CELSR1: variants seen among roughly 807,000 people sequenced by gnomAD.
CELSR1 encodes the protein adhesion G protein-coupled receptor C1.
A neutral mutation model predicts 249.1 loss-of-function variants in CELSR1; 110 were observed. That is an observed-to-expected ratio of 0.44 (90% CI 0.38 to 0.52). The LOEUF (loss-of-function observed/expected upper bound fraction) is 0.52. CELSR1 is among the 20% of genes least tolerant of loss of function. CELSR1 has a pLI of 0.00. For synonymous variants in CELSR1, 2,113 were observed against 1,900.0 expected (o/e 1.11, Z -2.92); for missense variants, 4,109 against 4,296.4 (o/e 0.96, Z 1.22).
Position 46,363,662 on chromosome 22 carries a change from C to T in CELSR1, c.9035+334G>A. ...ATTCCGGGACCCTCAGTATCCTCAA[C>T]TGCAAGGTGGGTGGCAGTGGTCCCA... On this transcript the variant is annotated intron_variant, in intron 34 of 34. Transcript: ENST00000674500. The surrounding 1 kb of genome is among the most constrained non-coding windows in gnomAD (Gnocchi z 4.3). 7.6e-6 allele frequency: 3 copies of T among 394,142 alleles called. No homozygotes were observed. The highest frequency in any genetic ancestry group is 4.7e-5 in the East Asian group (1 of 21,454). 24.4% of individuals were successfully genotyped at this position (394,142 alleles called of 1,614,324 possible).
chr22:46,400,998 T>C (rs1397538293), intron 9 of CELSR1, among the ~76,000 whole-genome samples: 1 of 152,004 alleles, frequency 6.6e-6, no homozygotes, highest in Non-Finnish European at 1.5e-5. Context: ...TGCTGTTGCC[T>C]TTAACACTGA....
intron 5 of CELSR1, among the ~76,000 whole-genome samples, chr22:46,415,602 A>T (rs115600386): frequency 0.017 from 2,558 of 151,850 alleles, 73 homozygotes; most frequent in Middle Eastern, 0.061. Flanking sequence ...TGCTATGTGA[A>T]CTTCACCTCA....
At chr22:46,463,037 A>G in intron 2 of CELSR1, 1 of 350,894 alleles carries the variant, frequency 2.8e-6, no homozygotes, top group Non-Finnish European at 5.7e-6. Flanking sequence ...AATCTGGAAT[A>G]AAGTACTTTC....
chr22:46,415,626 TAAAA>T (rs113662013), intron 5 of CELSR1, among the ~76,000 whole-genome samples: 62 of 141,356 alleles, frequency 4.4e-4, no homozygotes, highest in African/African-American at 1.6e-3. Context: ...AGGAAAAAAT[TAAAA>T]AAAAAAAAAG....
chr22:46,481,865 C>T lies in CELSR1; in HGVS notation c.3545-17520G>A, dbSNP rs142137098. The T allele has an allele frequency of 1.7e-3, 328 of 193,614 alleles. 3 individuals are homozygous for T. The highest frequency in any genetic ancestry group is 5.1e-3 in the African/African-American group (214 of 42,098). The allele number at this position is 193,614 out of a possible 1,614,324, so 12.0% of individuals were successfully genotyped here. A position where few individuals can be genotyped will look rare whatever the true frequency, so the allele number is the denominator to read the frequency against. On this transcript the variant is annotated intron_variant, in intron 1 of 34. Coordinates refer to ENST00000674500, the MANE Select transcript of CELSR1 (RefSeq NM_001378328.1). The stretch of plus-strand genomic sequence containing the variant: ...TCAGCTCACTGCAACCTCTGCCTCC[C>T]GGGTTCAAGAGATTCTCCTGCCTCA...
chr22:46,482,927 G>A (rs1209962180), intron 1 of CELSR1, among the ~76,000 whole-genome samples: 1 of 152,102 alleles, frequency 6.6e-6, no homozygotes, highest in Non-Finnish European at 1.5e-5. Context: ...AGAAGATGGA[G>A]CCCAGAAACA....
At chr22:46,492,685 C>T (rs5768831) in intron 1 of CELSR1, among the ~76,000 whole-genome samples, 32,509 of 151,880 alleles carry the variant, frequency 0.21, 3,503 homozygotes, top group Middle Eastern at 0.24. Context: ...ATTAGCTGGG[C>T]GTGTAAGCAA....
intron 1 of CELSR1, among the ~76,000 whole-genome samples, chr22:46,507,829 C>T (rs936309873): frequency 6.6e-6 from 1 of 151,282 alleles, no homozygotes; most frequent in Non-Finnish European, 1.5e-5. Flanking sequence ...GAACCTAACA[C>T]AGCCCAGAGT....
In CELSR1 at chr22:46,537,065, G is replaced by A; in HGVS notation, c.106C>T (p.Pro36Ser). 9.4e-7 allele frequency: 1 copy of A among 1,068,688 alleles called. No individual in the cohort carries two copies. The highest frequency in any genetic ancestry group is 1.1e-6 in the Non-Finnish European group (1 of 885,850). The allele number at this position is 1,068,688 out of a possible 1,614,324, so 66.2% of individuals were successfully genotyped here. The change falls in exon 1 of 35, where the codon CCC becomes TCC. Residue 36 changes from proline (P) to serine (S), a missense_variant. Transcript: ENST00000674500. The surrounding 1 kb of genome is among the most constrained non-coding windows in gnomAD (Gnocchi z 5.8). ...AGGGCGAAGGCGCGGGTCCCGCCGG[G>A]TACGCGCGGCTCCCAGGCGGCCGCT... ...LRAAAWEPRV[P>S]GGTRAFALRP...
intron 2 of CELSR1, among the ~76,000 whole-genome samples, chr22:46,456,240 C>T (rs567835421): frequency 8.1e-4 from 123 of 152,372 alleles, no homozygotes; most frequent in Admixed American, 2.5e-3. Flanking sequence ...AGACGTCACT[C>T]CGCAGGGTGA....
Position 46,384,616 on chromosome 22 carries a change from A to G in CELSR1, c.6810T>C (p.His2270=), listed in dbSNP as rs765936714. 6.2e-7 allele frequency: 1 copy of G among 1,613,708 alleles called. No individual in the cohort carries two copies. The highest frequency in any genetic ancestry group is 8.5e-7 in the Non-Finnish European group (1 of 1,179,916). The part of the protein sequence containing the change: ...GARVPRFDTI[H]EEFPRELESS... ...ACTCCAGCTCCCTGGGGAACTCTTC[A>G]TGGATGGTGTCGAATCGCGGGACCC... Residue 2270 remains histidine (H), a synonymous_variant, in exon 20 of 35, where the codon CAT becomes CAC. Coordinates refer to ENST00000674500, the MANE Select transcript of CELSR1 (RefSeq NM_001378328.1).
chr22:46,455,817 A>G (rs3788693), intron 2 of CELSR1, among the ~76,000 whole-genome samples: 11,108 of 152,278 alleles, frequency 0.073, 526 homozygotes, highest in East Asian at 0.12. Flanking sequence ...GGAGAACAGG[A>G]GATATCTGGC....
rs757948555 is a variant in CELSR1 at position 46,398,684 on chromosome 22, C to A, written c.5413-47G>T. ...GGATCTGGGGGCTGCATCCACCATC[C>A]TAGAAACGTCTCTCAGATGGGAAGG... On this transcript the variant is annotated intron_variant, in intron 10 of 34. Coordinates refer to ENST00000674500, the MANE Select transcript of CELSR1 (RefSeq NM_001378328.1). The surrounding 1 kb of genome is among the most constrained non-coding windows in gnomAD (Gnocchi z 7.2). 1 of 1,434,620 alleles carries A rather than the reference C, an allele frequency of 7.0e-7. No individual in the cohort carries two copies. Among genetic ancestry groups the A allele is most frequent in the Admixed American group, 2.0e-5 (1 of 50,560 alleles). 88.9% of individuals were successfully genotyped at this position (1,434,620 alleles called of 1,614,324 possible). A position where few individuals can be genotyped will look rare whatever the true frequency, so the allele number is the denominator to read the frequency against.
Position 46,436,315 on chromosome 22 carries a change from A to G in CELSR1, c.4407-26T>C. The G allele has an allele frequency of 6.3e-7, 1 of 1,590,202 alleles. No homozygotes were observed. Among genetic ancestry groups the G allele is most frequent in the Non-Finnish European group, 8.6e-7 (1 of 1,158,844 alleles). On this transcript the variant is annotated intron_variant, in intron 3 of 34. Transcript: ENST00000674500. This position sits in a 1 kb window ranked among gnomAD's most constrained non-coding sequence, Gnocchi z 5.9. ...CTGTGGGGCCAAGCAGAGGCACATC[A>G]CAGGATGAAGACCCCAGGGTCCAAA...
At chr22:46,530,191 G>C (rs2080777812) in intron 1 of CELSR1, 1 of 152,024 alleles carries the variant, frequency 6.6e-6, no homozygotes, top group African/African-American at 2.4e-5. Context: ...GTGGTGCAAT[G>C]AGCTGAGATC....
intron 5 of CELSR1, among the ~76,000 whole-genome samples, chr22:46,414,564 T>C (rs1324963186): frequency 1.3e-5 from 2 of 151,696 alleles, no homozygotes; most frequent in African/African-American, 2.4e-5. Context: ...TCGGCGAGTG[T>C]GGGTTAAACA....
Position 46,391,113 on chromosome 22 carries a change from C to T in CELSR1, c.6250+73G>A. 8.2e-7 allele frequency: 1 copy of T among 1,213,770 alleles called. No homozygotes were observed. Among genetic ancestry groups the T allele is most frequent in the East Asian group, 2.4e-5 (1 of 42,364 alleles). 75.2% of individuals were successfully genotyped at this position (1,213,770 alleles called of 1,614,324 possible). ...TTTCAACACGAAACATTCCATGAGT[C>T]CCCACATCTCGACTGGCTCCTCCCA... On this transcript the variant is annotated intron_variant, in intron 16 of 34. Transcript: ENST00000674500. This position sits in a 1 kb window ranked among gnomAD's most constrained non-coding sequence, Gnocchi z 4.3.
chr22:46,407,547 G>A lies in CELSR1; in HGVS notation c.5226+1449C>T, dbSNP rs549562210. Among the ~76,000 whole-genome samples the A allele has an allele frequency of 2.6e-5, 4 of 152,186 alleles. No individual in the cohort carries two copies. Among genetic ancestry groups the A allele is most frequent in the East Asian group, 1.9e-4 (1 of 5,170 alleles). ...CAATGGAGGCTGAGGCAGGAGAATC[G>A]CTTGAACCTGGGGGGCAGAAGTTGC... On this transcript the variant is annotated intron_variant, in intron 9 of 34. Coordinates refer to ENST00000674500, the MANE Select transcript of CELSR1 (RefSeq NM_001378328.1). This position sits in a 1 kb window ranked among gnomAD's most constrained non-coding sequence, Gnocchi z 4.8.
In CELSR1 at chr22:46,518,116, G is replaced by A. The variant is rs2147785237; in HGVS notation, c.3544+15511C>T. Among the ~76,000 whole-genome samples the A allele has an allele frequency of 6.6e-6, 1 of 152,254 alleles. No individual in the cohort carries two copies. The highest frequency in any genetic ancestry group is 1.9e-4 in the East Asian group (1 of 5,182). ...GATGGGGTTTCTCCATGTTGGTCAG[G>A]CTGGTCTCGAACTCGTGACCTCAGG... On this transcript the variant is annotated intron_variant, in intron 1 of 34. Transcript: ENST00000674500. The surrounding 1 kb of genome is among the most constrained non-coding windows in gnomAD (Gnocchi z 5.2).
Sources: gnomAD v4.1 joint callset for allele counts (sites outside exome capture counted in the v4.1 genomes callset) on GRCh38, gnomAD v4.1.1 for gene constraint, Gnocchi (gnomAD v3.1) non-coding constraint, MANE v1.5 for transcripts, NCBI Gene and HGNC (gene_info 2026-07-23, HGNC 2026-07-21) for gene names.